The following SORBS2 variants were observed in gnomAD, a reference collection of about 807,000 sequenced individuals.
SORBS2 encodes sorbin and SH3 domain-containing protein 2.
In SORBS2, 46 loss-of-function variants were observed where a neutral mutation model predicts 97.7. The ratio of observed to expected loss-of-function variants is 0.47; its 90% CI spans 0.37 to 0.60. SORBS2 has a LOEUF of 0.60. Among genes scored for constraint, SORBS2 ranks in the 20% least tolerant of loss-of-function variants. The probability of loss-of-function intolerance (pLI) is 0.00; values close to 1 mark genes in which losing one functional copy is unlikely to be tolerated. For synonymous variants in SORBS2, 476 were observed against 473.4 expected (o/e 1.01, Z -0.07); for missense variants, 1,316 against 1,282.3 (o/e 1.03, Z -0.40).
At chr4:185,895,093 A>G (rs1299269660) in intron 1 of SORBS2, among the ~76,000 whole-genome samples, 1 of 152,222 alleles carries the variant, frequency 6.6e-6, no homozygotes, top group Non-Finnish European at 1.5e-5. Context: ...GTGTGCTTCT[A>G]AGAATCCATG....
At chr4:185,894,606 G>C (rs1246163130) in intron 1 of SORBS2, among the ~76,000 whole-genome samples, 1 of 152,054 alleles carries the variant, frequency 6.6e-6, no homozygotes, top group Non-Finnish European at 1.5e-5. Flanking sequence ...GTCTTACCTC[G>C]CAAGGCACCA....
intron 2 of SORBS2, chr4:185,690,582 G>C (rs1175384043): frequency 2.6e-6 from 4 of 1,515,420 alleles, no homozygotes; most frequent in Non-Finnish European, 3.6e-6. Flanking sequence ...TTTCACCTTG[G>C]AGAGTTTGTT....
At chr4:185,657,854 G>A (rs1034207590), upstream of SORBS2, among the ~76,000 whole-genome samples, 2 of 152,172 alleles carry the variant, frequency 1.3e-5, no homozygotes, top group African/African-American at 4.8e-5. Context: ...CTGTGTGGAG[G>A]CCTCTGAGTT....
At position 185,623,553 on chromosome 4, in the gene SORBS2, T is replaced by C. The variant is rs1450689629; in HGVS notation, c.1576A>G (p.Ser526Gly). ...GTGAAGGAAAAGTGATCAAAGTCACTTTCACTGCAGAAGGATGACCCCTCT... is the reference window on the plus strand; with the variant it reads ...GTGAAGGAAAAGTGATCAAAGTCACCTTCACTGCAGAAGGATGACCCCTCT... Residue 526 changes from serine to glycine, a missense_variant, in exon 7 of 15, where the codon AGT becomes GGT. Ser to Gly is a moderately conservative substitution (Grantham distance 56). Coordinates refer to ENST00000418609, the Ensembl canonical transcript of SORBS2. The surrounding 1 kb of genome is among the most constrained non-coding windows in gnomAD (Gnocchi z 6.4). 1.9e-6 allele frequency: 3 copies of C among 1,614,058 alleles called. No individual in the cohort carries two copies. Among genetic ancestry groups the C allele is most frequent in the Middle Eastern group, 1.6e-4 (1 of 6,062 alleles).
At chr4:185,666,146 G>C in intron 4 of SORBS2, 2 of 1,289,850 alleles carry the variant, frequency 1.6e-6, no homozygotes, top group Non-Finnish European at 2.0e-6. Flanking sequence ...GGTGTGGTTT[G>C]TCTGTGTGTC....
chr4:185,676,929 A>G (rs1234082047), intron 4 of SORBS2: 1 of 1,355,942 alleles, frequency 7.4e-7, no homozygotes, highest in African/African-American at 1.5e-5. Context: ...AAGAAGCCCA[A>G]ACCAAAGGAG....
intron 5 of SORBS2, among the ~76,000 whole-genome samples, chr4:185,628,542 A>G (rs1353795484): frequency 6.6e-6 from 1 of 152,226 alleles, no homozygotes; most frequent in African/African-American, 2.4e-5. Flanking sequence ...GCTCAAGGTC[A>G]GGAGTTTGAG....
intron 12 of SORBS2, among the ~76,000 whole-genome samples, chr4:185,608,483 T>C (rs1165402563): frequency 6.9e-6 from 1 of 145,472 alleles, no homozygotes; most frequent in Non-Finnish European, 1.5e-5. Context: ...AGGTATGAGT[T>C]ATGAAGCTTA....
Position 185,676,709 on chromosome 4 carries a change from G to A in SORBS2, c.-46+1714C>T, listed in dbSNP as rs192519608. 4.4e-4 allele frequency among the ~76,000 whole-genome samples: 66 copies of A among 150,956 alleles called. 1 individual carries two copies. The highest frequency in any genetic ancestry group is 6.9e-3 in the Middle Eastern group (2 of 290). On this transcript the variant is annotated intron_variant, in intron 4 of 20. Transcript: ENST00000284776. ...TGAAGTAGTCTGCAATGTCTTAAATGATAACTGACCCCTCAATGATTTCCC... is the reference window on the plus strand; with the variant it reads ...TGAAGTAGTCTGCAATGTCTTAAATAATAACTGACCCCTCAATGATTTCCC...
rs536304241 is a variant in SORBS2, at chr4:185,835,395, G to A, written c.-337-60029C>T. 7.0e-4 allele frequency among the ~76,000 whole-genome samples: 106 copies of A among 152,182 alleles called. 1 individual carries two copies. The highest frequency in any genetic ancestry group is 2.4e-3 in the African/African-American group (101 of 41,516). On this transcript the variant is annotated intron_variant, in intron 1 of 20. Coordinates refer to the SORBS2 transcript ENST00000284776. ...AATTAAAGAACATTTCAATTCTAAC[G>A]GTGTTCAAAATTTTATTGTCTTGTT... is the stretch of plus-strand genomic sequence containing the variant.
intron 12 of SORBS2, among the ~76,000 whole-genome samples, chr4:185,595,397 A>G (rs568016608): frequency 1.1e-3 from 171 of 152,294 alleles, no homozygotes; most frequent in African/African-American, 4.0e-3. Context: ...ATTTTAAGAA[A>G]AATTATGACT....
intron 1 of SORBS2, among the ~76,000 whole-genome samples, chr4:185,915,615 C>T (rs1345317827): frequency 6.6e-6 from 1 of 152,066 alleles, no homozygotes; most frequent in African/African-American, 2.4e-5. Flanking sequence ...CTCTTTTGTC[C>T]TTTCTTCCTT....
intron 1 of SORBS2, among the ~76,000 whole-genome samples, chr4:185,655,144 T>C (rs2097376738): frequency 6.6e-6 from 1 of 152,196 alleles, no homozygotes; most frequent in African/African-American, 2.4e-5. Flanking sequence ...ATGTCCCAGG[T>C]CACATGAGAG....
upstream of SORBS2, among the ~76,000 whole-genome samples, chr4:185,659,611 C>T (rs373545267): frequency 6.6e-6 from 1 of 151,668 alleles, no homozygotes; most frequent in Non-Finnish European, 1.5e-5. Flanking sequence ...TTAGTAGAGA[C>T]GGGGTTTCAC....
At chr4:185,815,278 T>A (rs772377882) in intron 1 of SORBS2, among the ~76,000 whole-genome samples, 17 of 152,228 alleles carry the variant, frequency 1.1e-4, no homozygotes, top group Non-Finnish European at 2.2e-4. Context: ...AGCTTTTGCC[T>A]GTTTTCTCTA....
At chr4:185,837,509 C>T (rs1012614524) in intron 1 of SORBS2, among the ~76,000 whole-genome samples, 5 of 152,250 alleles carry the variant, frequency 3.3e-5, no homozygotes, top group East Asian at 1.9e-4. Context: ...CTCATGCAAT[C>T]GTTAATCAAA....
chr4:185,662,390 A>T, intron 4 of SORBS2, 148 bp from the exon 8 acceptor site: 1 of 775,746 alleles, frequency 1.3e-6, no homozygotes, highest in Non-Finnish European at 2.0e-6. Flanking sequence ...GTCAGAGGGC[A>T]TGCTACATTC....
At chr4:185,663,993 T>G (rs1195891364) in intron 4 of SORBS2, among the ~76,000 whole-genome samples, 1 of 151,634 alleles carries the variant, frequency 6.6e-6, no homozygotes, top group Non-Finnish European at 1.5e-5. Flanking sequence ...TAGTTGGGAC[T>G]ACAGGCGCCC....
chr4:185,695,949 C>G (rs1429006311), intron 2 of SORBS2, among the ~76,000 whole-genome samples: 1 of 152,166 alleles, frequency 6.6e-6, no homozygotes, highest in Non-Finnish European at 1.5e-5. Context: ...CATGACTGTC[C>G]ATGCTCATAA....
Sources: gnomAD v4.1 joint callset for allele counts (sites outside exome capture counted in the v4.1 genomes callset) on GRCh38, gnomAD v4.1.1 for gene constraint, Gnocchi (gnomAD v3.1) non-coding constraint, MANE v1.5 for transcripts, NCBI Gene and HGNC (gene_info 2026-07-23, HGNC 2026-07-21) for gene names.